CCDC80: variants seen among roughly 807,000 people sequenced by gnomAD.
CCDC80 encodes coiled-coil domain containing 80.
In CCDC80, 49 loss-of-function variants were observed where a neutral mutation model predicts 78.7. That is an observed-to-expected ratio of 0.62 (90% confidence interval 0.50 to 0.79). The LOEUF is 0.79. Ranked by LOEUF, CCDC80 falls within the 30% of genes least tolerant of loss-of-function variation. The probability of loss-of-function intolerance (pLI) is 0.00; values close to 1 mark genes in which losing one functional copy is unlikely to be tolerated. For missense variants in CCDC80, 1,205 were observed against 1,198.6 expected (o/e 1.01, Z -0.08); for synonymous variants, 488 against 447.0 (o/e 1.09, Z -1.16).
intron 1 of CCDC80, 116 bp from the exon 2 acceptor site, chr3:112,640,032 GAA>G: frequency 1.4e-6 from 2 of 1,442,020 alleles, no homozygotes; most frequent in Non-Finnish European, 1.8e-6. Context: ...AAGGGGAGGG[GAA>G]AAGGTTGGTT....
Position 112,603,804 on chromosome 3 carries a change from A to G in CCDC80, c.*1613T>C, listed in dbSNP as rs1211117949. 1 of 152,154 alleles carries G rather than the reference A, an allele frequency of 6.6e-6. No individual in the cohort carries two copies. The highest frequency in any genetic ancestry group is 2.4e-5 in the African/African-American group (1 of 41,426). 9.4% of individuals were successfully genotyped at this position (152,154 alleles called of 1,614,324 possible). A position where few individuals can be genotyped will look rare whatever the true frequency, so the allele number is the denominator to read the frequency against. On this transcript the variant is annotated 3_prime_UTR_variant, in exon 8 of 8. Coordinates refer to ENST00000206423, the MANE Select transcript of CCDC80 (RefSeq NM_199511.3). ...TCCCGCTAATGGATCTGGGCAAAGCAAATTAAAAACCTGGAAAGGATTCAC... is the reference window on the plus strand; with the variant it reads ...TCCCGCTAATGGATCTGGGCAAAGCGAATTAAAAACCTGGAAAGGATTCAC...
At position 112,602,224 on chromosome 3, in the gene CCDC80, TAATA is replaced by T. The variant is rs1480790075; in HGVS notation, c.*3189_*3192del. ...CCACACTTATATAACACAGTAAACT[TAATA>T]AATGTGTGTATGTTCTGATTGCTCC... is the stretch of plus-strand genomic sequence containing the variant. On this transcript the variant is annotated 3_prime_UTR_variant, in exon 8 of 8. Coordinates refer to ENST00000206423, the MANE Select transcript of CCDC80 (RefSeq NM_199511.3). 1 of 152,222 alleles carries T rather than the reference TAATA, an allele frequency of 6.6e-6. No individual in the cohort carries two copies. Among genetic ancestry groups the T allele is most frequent in the African/African-American group, 2.4e-5 (1 of 41,460 alleles). The allele number at this position is 152,222 out of a possible 1,614,324, so 9.4% of individuals were successfully genotyped here.
intron 6 of CCDC80, among the ~76,000 whole-genome samples, chr3:112,608,154 AG>A (rs1935550988): frequency 1.3e-5 from 2 of 152,252 alleles, no homozygotes; most frequent in South Asian, 4.1e-4. Context: ...GAAAGAAAAT[AG>A]GAGGACAAAG....
intron 4 of CCDC80, among the ~76,000 whole-genome samples, chr3:112,617,088 G>A (rs980341352): frequency 3.3e-5 from 5 of 152,100 alleles, no homozygotes; most frequent in African/African-American, 1.2e-4. Context: ...TCTTAACTAC[G>A]CTCCTTTTAT....
At chr3:112,612,743 G>A (rs1877362) in intron 5 of CCDC80, among the ~76,000 whole-genome samples, 148,641 of 152,276 alleles carry the variant, frequency 0.98, 72,571 homozygotes, top group Admixed American at 0.99. Context: ...AATGAGTGCT[G>A]TTGAAGACTA....
chr3:112,613,729 A>T (rs930686937), intron 5 of CCDC80, among the ~76,000 whole-genome samples: 3 of 152,274 alleles, frequency 2.0e-5, no homozygotes, highest in Non-Finnish European at 2.9e-5. Context: ...ACTGGATGAT[A>T]ACTGTCTGCT....
intron 7 of CCDC80, 139 bp from the exon 8 acceptor site, chr3:112,605,902 A>G: frequency 1.4e-6 from 1 of 724,480 alleles, no homozygotes; most frequent in Non-Finnish European, 2.2e-6. Flanking sequence ...TAATTAAAGA[A>G]GTTTGCTGGG....
chr3:112,624,834 G>T (rs1935934982), intron 3 of CCDC80, among the ~76,000 whole-genome samples: 1 of 152,134 alleles, frequency 6.6e-6, no homozygotes, highest in African/African-American at 2.4e-5. Flanking sequence ...CTTGGTATTA[G>T]AAATCTAATT....
chr3:112,619,957 A>C (rs1483260194), intron 3 of CCDC80, among the ~76,000 whole-genome samples: 1 of 152,240 alleles, frequency 6.6e-6, no homozygotes, highest in Non-Finnish European at 1.5e-5. Context: ...CTAAGATTTT[A>C]TCTGCAAAAT....
In CCDC80 at chr3:112,639,917, C is replaced by T. The variant is rs545793440; in HGVS notation, c.-11-1G>A. The T allele has an allele frequency of 2.5e-5, 40 of 1,607,650 alleles. No individual in the cohort carries two copies. The highest frequency in any genetic ancestry group is 3.4e-5 in the Non-Finnish European group (40 of 1,175,640). On this transcript the variant is annotated splice_acceptor_variant, in intron 1 of 7. Transcript: ENST00000206423. LOFTEE classifies it low-confidence loss of function (5UTR_SPLICE). ...ATTCTCCATGTCATTGTGTAATCCA[C>T]TTTGCGATGCACGGAGGTCATAAAA...
Position 112,626,250 on chromosome 3 carries a change from A to G in CCDC80, c.2035+3863T>C, listed in dbSNP as rs558938491. Among the ~76,000 whole-genome samples, 8 of 152,220 alleles carry G rather than the reference A, an allele frequency of 5.3e-5. No individual in the cohort carries two copies. In the East Asian group the frequency reaches 1.5e-3, roughly 29 times the overall value. ...TAAAGACTTATCAAAGCAGAGGGGG[A>G]CACACAGCCACTGTGTGGAAGTCTG... On this transcript the variant is annotated intron_variant, in intron 3 of 7. Transcript: ENST00000206423.
intron 5 of CCDC80, among the ~76,000 whole-genome samples, chr3:112,615,379 T>A (rs993110133): frequency 1.3e-5 from 2 of 152,096 alleles, no homozygotes; most frequent in Non-Finnish European, 2.9e-5. Context: ...CTGGAACCCC[T>A]TAACCACACA....
chr3:112,609,110 G>GAA (rs1440433952), intron 6 of CCDC80, among the ~76,000 whole-genome samples: 4 of 145,492 alleles, frequency 2.7e-5, no homozygotes, highest in African/African-American at 1.1e-4. Flanking sequence ...CCTGCCCAGT[G>GAA]AATCTCTCAA....
At chr3:112,626,244 AG>A (rs1156536540) in intron 3 of CCDC80, among the ~76,000 whole-genome samples, 1 of 152,178 alleles carries the variant, frequency 6.6e-6, no homozygotes, top group East Asian at 1.9e-4. Flanking sequence ...ATCAAAGCAG[AG>A]GGGGACACAC....
In CCDC80 at chr3:112,638,573, C is replaced by T. The variant is rs966948299; in HGVS notation, c.1333G>A (p.Ala445Thr). ...KATSLESFTN[A>T]PPTTISEPST... The stretch of plus-strand genomic sequence containing the variant: ...GGTTCTGAGATGGTGGTGGGAGGGG[C>T]ATTTGTGAAGCTCTCCAAGCTGGTG... Residue 445 changes from alanine to threonine, a missense_variant, in exon 2 of 8, where the codon GCC (alanine) becomes ACC (threonine). Transcript: ENST00000206423. 1.9e-6 allele frequency: 3 copies of T among 1,613,818 alleles called. No homozygotes were observed. Among genetic ancestry groups the T allele is most frequent in the South Asian group, 1.1e-5 (1 of 91,070 alleles).
chr3:112,612,040 C>CT lies in CCDC80; in HGVS notation c.2322-1960dup, dbSNP rs754201530. Among the ~76,000 whole-genome samples, 1,071 of 133,398 alleles carry CT rather than the reference C, an allele frequency of 8.0e-3. 10 individuals are homozygous for CT. The highest frequency in any genetic ancestry group is 0.026 in the African/African-American group (927 of 35,478). The allele number at this position is 133,398 out of a possible 152,430, so 87.5% of individuals were successfully genotyped here. A position where few individuals can be genotyped will look rare whatever the true frequency, so the allele number is the denominator to read the frequency against. On this transcript the variant is annotated intron_variant, in intron 5 of 7. Transcript: ENST00000206423. The stretch of plus-strand genomic sequence containing the variant: ...TGTGACATTACATTCACTTCCTCTG[C>CT]TTTTTTTTTTTTTTTTTTTTTAAAA...
intron 5 of CCDC80, among the ~76,000 whole-genome samples, chr3:112,610,853 G>A (rs904187198): frequency 4.6e-5 from 7 of 151,548 alleles, no homozygotes; most frequent in African/African-American, 1.5e-4. Context: ...GGGTGTCGTT[G>A]AGCATGTCAC....
At position 112,638,384 on chromosome 3, in the gene CCDC80, C is replaced by G; in HGVS notation, c.1522G>C (p.Glu508Gln). The change falls in exon 2 of 8, where the codon GAG (glutamate) becomes CAG (glutamine). Residue 508 changes from glutamate to glutamine, a missense_variant. Coordinates refer to ENST00000206423, the MANE Select transcript of CCDC80 (RefSeq NM_199511.3). The part of the protein sequence containing the change: ...QDKILSNEYE[E>Q]KYDLSRPTAS... Reference sequence around the variant, plus strand: ...GTAGGCCGGCTGAGGTCATACTTCTCCTCATACTCATTACTAAGAATTTTG... The same window carrying G: ...GTAGGCCGGCTGAGGTCATACTTCTGCTCATACTCATTACTAAGAATTTTG... 6.2e-7 allele frequency: 1 copy of G among 1,614,056 alleles called. No homozygotes were observed. The highest frequency in any genetic ancestry group is 8.5e-7 in the Non-Finnish European group (1 of 1,180,036).
intron 4 of CCDC80, among the ~76,000 whole-genome samples, chr3:112,617,510 G>A (rs962686627): frequency 6.6e-6 from 1 of 152,180 alleles, no homozygotes; most frequent in African/African-American, 2.4e-5. Context: ...GACATGGCTC[G>A]AAGCTCTGCC....
Sources: allele counts gnomAD v4.1 joint callset (sites outside exome capture counted in the v4.1 genomes callset), GRCh38; gene constraint gnomAD v4.1.1; transcripts MANE v1.5; gene names NCBI Gene and HGNC (gene_info 2026-07-23, HGNC 2026-07-21).